FSTL4: variants seen among roughly 807,000 people sequenced by gnomAD.
FSTL4 encodes the protein follistatin like 4.
Under a neutral mutation model 78.2 loss-of-function variants are expected in FSTL4, and 28 were observed. The ratio of observed to expected loss-of-function variants is 0.36; its 90% CI spans 0.27 to 0.49. FSTL4 has a LOEUF of 0.49. FSTL4 is among the 20% of genes least tolerant of loss of function. The probability of loss-of-function intolerance (pLI) is 0.98; values close to 1 mark genes in which losing one functional copy is unlikely to be tolerated. For missense variants in FSTL4, 922 were observed against 1,084.9 expected (o/e 0.85, Z 2.11); for synonymous variants, 422 against 440.5 (o/e 0.96, Z 0.53).
chr5:133,351,102 T>C (rs1038048523), intron 4 of FSTL4, among the ~76,000 whole-genome samples: 2 of 152,232 alleles, frequency 1.3e-5, no homozygotes, highest in African/African-American at 2.4e-5. Flanking sequence ...GCGGCACAGA[T>C]GTCTCCACTG....
At chr5:133,824,681 T>C in the FSTL4 span, among the ~76,000 whole-genome samples, 2 of 152,176 alleles carry the variant, frequency 1.3e-5, no homozygotes, top group Admixed American at 1.3e-4. Context: ...CACCTGCTTG[T>C]GTACCAGCTT....
intron 3 of FSTL4, 109 bp from the exon 4 acceptor site, chr5:133,401,095 A>C: frequency 7.5e-7 from 1 of 1,327,842 alleles, no homozygotes; most frequent in African/African-American, 1.4e-5. Context: ...TGTGCAGCCA[A>C]GCTACTCAAG....
chr5:133,609,845 C>T (rs920911390), intron 1 of FSTL4, among the ~76,000 whole-genome samples: 1 of 152,192 alleles, frequency 6.6e-6, no homozygotes, highest in Non-Finnish European at 1.5e-5. Context: ...GATTGCAGTT[C>T]TATTTTATTG....
intron 3 of FSTL4, among the ~76,000 whole-genome samples, chr5:133,496,187 T>C (rs900036437): frequency 1.3e-5 from 2 of 152,216 alleles, no homozygotes; most frequent in Non-Finnish European, 2.9e-5. Context: ...CCAATTCCTT[T>C]AAGTAGAATG....
At chr5:133,315,655 T>G (rs967007949) in intron 5 of FSTL4, among the ~76,000 whole-genome samples, 1 of 152,190 alleles carries the variant, frequency 6.6e-6, no homozygotes, top group Non-Finnish European at 1.5e-5. Flanking sequence ...GAGGCTGATC[T>G]CACTCTCCTT....
At chr5:133,556,677 A>C (rs1759794398) in intron 3 of FSTL4, among the ~76,000 whole-genome samples, 1 of 152,190 alleles carries the variant, frequency 6.6e-6, no homozygotes, top group Admixed American at 6.5e-5. Flanking sequence ...CAAAAAGTTC[A>C]GGGCTCCTGA....
At chr5:133,278,259 C>A (rs542930432) in intron 6 of FSTL4, among the ~76,000 whole-genome samples, 20 of 152,290 alleles carry the variant, frequency 1.3e-4, no homozygotes, top group African/African-American at 4.8e-4. Flanking sequence ...CCCTAGAGCT[C>A]TGGGGTTCCA....
At chr5:133,513,140 T>C (rs1271953305) in intron 3 of FSTL4, among the ~76,000 whole-genome samples, 1 of 152,152 alleles carries the variant, frequency 6.6e-6, no homozygotes, top group Non-Finnish European at 1.5e-5. Flanking sequence ...TTTTCTAGTA[T>C]CTCACAGACC....
intron 3 of FSTL4, among the ~76,000 whole-genome samples, chr5:133,500,208 A>G (rs1418660766): frequency 6.6e-6 from 1 of 151,928 alleles, no homozygotes; most frequent in Non-Finnish European, 1.5e-5. Context: ...ATTTCTGTGA[A>G]CTCATCTGAT....
intron 4 of FSTL4, among the ~76,000 whole-genome samples, chr5:133,321,779 C>T (rs949742188): frequency 2.6e-5 from 4 of 152,176 alleles, no homozygotes; most frequent in African/African-American, 4.8e-5. Flanking sequence ...AATCCGGAGG[C>T]ATGACTCTTC....
At chr5:133,482,456 T>C (rs910458626) in intron 3 of FSTL4, among the ~76,000 whole-genome samples, 3 of 152,196 alleles carry the variant, frequency 2.0e-5, no homozygotes, top group African/African-American at 4.8e-5. Flanking sequence ...TCAGCCATGG[T>C]TGTTGCAGGC....
chr5:133,770,087 TGTGTGTGG>T, the FSTL4 span, among the ~76,000 whole-genome samples: 1 of 152,254 alleles, frequency 6.6e-6, no homozygotes, highest in Non-Finnish European at 1.5e-5. Context: ...GGTGTGTTTG[TGTGTGTGG>T]GTGTGTGTGT....
At chr5:133,254,223 G>C (rs1473098979) in intron 6 of FSTL4, among the ~76,000 whole-genome samples, 2 of 152,266 alleles carry the variant, frequency 1.3e-5, no homozygotes, top group African/African-American at 2.4e-5. Context: ...GCCTTCGACA[G>C]TGGCATTCTC....
At chr5:133,728,585 A>G in the FSTL4 span, among the ~76,000 whole-genome samples, 1 of 152,262 alleles carries the variant, frequency 6.6e-6, no homozygotes, top group Admixed American at 6.5e-5. Flanking sequence ...TATGATTCCT[A>G]GATTCCTGAA....
intron 2 of FSTL4, among the ~76,000 whole-genome samples, chr5:133,593,011 A>G (rs1760664137): frequency 6.6e-6 from 1 of 152,224 alleles, no homozygotes; most frequent in East Asian, 1.9e-4. Context: ...GCAACTCTAC[A>G]GCAAGGAATA....
At chr5:133,674,195 T>A in the FSTL4 span, among the ~76,000 whole-genome samples, 8 of 152,174 alleles carry the variant, frequency 5.3e-5, no homozygotes, top group Admixed American at 3.3e-4. Flanking sequence ...ACTGTTTTTA[T>A]CCTGCCAACT....
At chr5:133,746,275 A>G in the FSTL4 span, among the ~76,000 whole-genome samples, 1 of 152,198 alleles carries the variant, frequency 6.6e-6, no homozygotes, top group Non-Finnish European at 1.5e-5. Flanking sequence ...TAGCAAGCAC[A>G]CTTTAGTACG....
chr5:133,572,938 T>G (rs573268828), intron 2 of FSTL4, among the ~76,000 whole-genome samples: 1 of 152,316 alleles, frequency 6.6e-6, no homozygotes, highest in South Asian at 2.1e-4. Context: ...ATTGGCTGAA[T>G]AATCCCATTA....
At chr5:133,817,115 G>A in the FSTL4 span, among the ~76,000 whole-genome samples, 2 of 152,226 alleles carry the variant, frequency 1.3e-5, no homozygotes, top group African/African-American at 4.8e-5. Context: ...ATGTGTTGAT[G>A]TTCACTACCC....
Sources: allele counts gnomAD v4.1 joint callset (sites outside exome capture counted in the v4.1 genomes callset), GRCh38; gene constraint gnomAD v4.1.1; transcripts MANE v1.5; gene names NCBI Gene and HGNC (gene_info 2026-07-23, HGNC 2026-07-21).